The following ABTB2 variants were observed in gnomAD, a reference collection of about 807,000 sequenced individuals.
ABTB2 encodes ankyrin repeat and BTB domain containing 2, also known as ankyrin repeat and BTB/POZ domain-containing protein 2.
In ABTB2, 56 loss-of-function variants were observed where a neutral mutation model predicts 104.1. The observed-to-expected ratio is 0.54, with a 90% CI of 0.43 to 0.67. ABTB2 has a LOEUF of 0.67. Ranked by LOEUF, ABTB2 falls within the 30% of genes least tolerant of loss-of-function variation. The pLI is 0.00. For missense variants in ABTB2, 1,279 were observed against 1,407.7 expected, an observed-to-expected ratio of 0.91 and a Z score of 1.46; for synonymous variants, 606 against 608.2, an observed-to-expected ratio of 1.00 and a Z score of 0.05.
intron 1 of ABTB2, among the ~76,000 whole-genome samples, chr11:34,223,458 G>T (rs1484899721): frequency 6.6e-6 from 1 of 152,124 alleles, no homozygotes; most frequent in Non-Finnish European, 1.5e-5. Context: ...ATTCACATTT[G>T]CCCCGTAATC....
chr11:34,351,039 T>C (rs1564939217), intron 1 of ABTB2, among the ~76,000 whole-genome samples: 1 of 152,158 alleles, frequency 6.6e-6, no homozygotes, highest in South Asian at 2.1e-4. Context: ...AGAGTAGAAA[T>C]AGAGGCGAAG....
chr11:34,357,575 C>T lies in ABTB2; in HGVS notation c.9G>A (p.Gly3=). The change falls in exon 1 of 17, where the codon GGG becomes GGA. Residue 3 remains glycine (G), a synonymous_variant. Transcript: ENST00000435224. ...GCGTCTTCAGAGTCGAGCTGTACGT[C>T]CCGGCCATGGGGAGCCTGCCGAGGG... MA[G]TYSSTLKTLE... is the part of the protein sequence containing the mutation. 1 of 1,516,460 alleles carries T rather than the reference C, an allele frequency of 6.6e-7. No individual in the cohort carries two copies. Among genetic ancestry groups the T allele is most frequent in the Non-Finnish European group, 8.8e-7 (1 of 1,132,374 alleles). The allele number at this position is 1,516,460 out of a possible 1,614,324, so 93.9% of individuals were successfully genotyped here.
intron 1 of ABTB2, among the ~76,000 whole-genome samples, chr11:34,212,318 A>C (rs1417076732): frequency 6.6e-6 from 1 of 152,140 alleles, no homozygotes; most frequent in Non-Finnish European, 1.5e-5. Flanking sequence ...TGACCTCCCA[A>C]AGTGCTGGGA....
chr11:34,167,965 C>T lies in ABTB2; in HGVS notation c.1591G>A (p.Ala531Thr), dbSNP rs139973706. 295 of 1,614,220 alleles carry T rather than the reference C, an allele frequency of 1.8e-4. No individual in the cohort carries two copies. Among genetic ancestry groups the T allele is most frequent in the Middle Eastern group, 4.9e-4 (3 of 6,062 alleles). The change falls in exon 6 of 17, where the codon GCT becomes ACT. Residue 531 changes from alanine to threonine, a missense_variant. Transcript: ENST00000435224. ...QGMTPLMYAC[A>T]AGDEAMVQML... Reference sequence around the variant, plus strand: ...TGGACCATCGCTTCGTCCCCAGCAGCGCAGGCGTACATCAGTGGCGTCATA... The same window carrying T: ...TGGACCATCGCTTCGTCCCCAGCAGTGCAGGCGTACATCAGTGGCGTCATA...
chr11:34,157,513 C>G (rs1362399112), intron 14 of ABTB2, among the ~76,000 whole-genome samples: 1 of 152,214 alleles, frequency 6.6e-6, no homozygotes, highest in Non-Finnish European at 1.5e-5. Context: ...GCTCCCCAGT[C>G]TCCAGCGATC....
At chr11:34,167,151 G>T in intron 7 of ABTB2, 108 bp downstream of exon 7, 1 of 1,039,094 alleles carries the variant, frequency 9.6e-7, no homozygotes, top group Non-Finnish European at 1.4e-6. Context: ...GTGCCTTTGG[G>T]ATCTCTGATT....
At chr11:34,188,031 AC>A (rs1853124746) in intron 3 of ABTB2, among the ~76,000 whole-genome samples, 1 of 152,086 alleles carries the variant, frequency 6.6e-6, no homozygotes, top group African/African-American at 2.4e-5. Flanking sequence ...ATGCACAAAC[AC>A]CTTATTCTCT....
chr11:34,184,070 T>TG (rs1853062857), intron 3 of ABTB2, among the ~76,000 whole-genome samples: 1 of 151,772 alleles, frequency 6.6e-6, no homozygotes, highest in Admixed American at 6.6e-5. Flanking sequence ...AAAAGTGTTT[T>TG]TTTTTTTTTG....
chr11:34,174,432 G>C (rs1307021541), intron 3 of ABTB2, among the ~76,000 whole-genome samples: 3 of 152,084 alleles, frequency 2.0e-5, no homozygotes, highest in Non-Finnish European at 2.9e-5. Flanking sequence ...GCCCACAAAA[G>C]CAGGGAAAGG....
Position 34,174,989 on chromosome 11 carries a change from C to T in ABTB2, c.1245-1682G>A, listed in dbSNP as rs575906357. Among the ~76,000 whole-genome samples the T allele has an allele frequency of 5.2e-5, 8 of 152,382 alleles. No homozygotes were observed. In the South Asian group the frequency reaches 6.2e-4, roughly 12 times the overall value. The stretch of plus-strand genomic sequence containing the variant: ...AGGCCTCCAGCCACCCCAACTCCCT[C>T]GGGGCTCTTGGAGCGTCCCGCCTGT... On this transcript the variant is annotated intron_variant, in intron 3 of 16. Coordinates refer to ENST00000435224, the MANE Select transcript of ABTB2 (RefSeq NM_145804.3).
At chr11:34,237,067 A>G (rs1276287408) in intron 1 of ABTB2, among the ~76,000 whole-genome samples, 2 of 152,102 alleles carry the variant, frequency 1.3e-5, no homozygotes, top group African/African-American at 2.4e-5. Flanking sequence ...CAGAATATGT[A>G]CCTCTGGATC....
chr11:34,177,983 T>C (rs1852977428), intron 3 of ABTB2, among the ~76,000 whole-genome samples: 1 of 152,174 alleles, frequency 6.6e-6, no homozygotes, highest in Non-Finnish European at 1.5e-5. Flanking sequence ...GAGTTCGTCA[T>C]TCCTGGATGC....
Position 34,356,838 on chromosome 11 carries a change from C to T in ABTB2, c.746G>A (p.Ser249Asn). ...VEEIRARVMA[S>N]HSPDGGGAGG... ...GGCCCCTCCGCCATCAGGGCTGTGG[C>T]TGGCCATCACCCTGGCCCGGATCTC... Residue 249 changes from serine (S) to asparagine (N), a missense_variant, in exon 1 of 17, where the codon AGC becomes AAC. By Grantham distance (46) the Ser-to-Asn change is conservative (BLOSUM62 1). Coordinates refer to ENST00000435224, the MANE Select transcript of ABTB2 (RefSeq NM_145804.3). This position sits in a 1 kb window ranked among gnomAD's most constrained non-coding sequence, Gnocchi z 4.6. 1 of 1,605,440 alleles carries T rather than the reference C, an allele frequency of 6.2e-7. No individual in the cohort carries two copies. Among genetic ancestry groups the T allele is most frequent in the South Asian group, 1.1e-5 (1 of 89,610 alleles).
At position 34,356,351 on chromosome 11, in the gene ABTB2, T is replaced by C. The variant is rs568658765; in HGVS notation, c.883+350A>G. Among the ~76,000 whole-genome samples, 5 of 152,316 alleles carry C rather than the reference T, an allele frequency of 3.3e-5. No individual in the cohort carries two copies. The highest frequency in any genetic ancestry group is 2.0e-4 in the Admixed American group (3 of 15,298). ...TGGGGAAAGACAGCAGCTAGAGACC[T>C]AGTCAATCACGGTAAAGAGCCACGG... On this transcript the variant is annotated intron_variant, in intron 1 of 16. Transcript: ENST00000435224. This position sits in a 1 kb window ranked among gnomAD's most constrained non-coding sequence, Gnocchi z 4.6.
intron 1 of ABTB2, among the ~76,000 whole-genome samples, chr11:34,313,690 C>T (rs571603803): frequency 3.3e-5 from 5 of 152,306 alleles, no homozygotes; most frequent in Admixed American, 2.0e-4. Flanking sequence ...ACTGGGAGGG[C>T]GCACCTGCCT....
chr11:34,309,280 C>T (rs1215405015), intron 1 of ABTB2, among the ~76,000 whole-genome samples: 1 of 152,178 alleles, frequency 6.6e-6, no homozygotes, highest in African/African-American at 2.4e-5. Context: ...TTTTGGGGAC[C>T]TTGTTGAAGG....
chr11:34,297,766 CAA>C (rs1171577510), intron 1 of ABTB2, among the ~76,000 whole-genome samples: 2 of 16,066 alleles, frequency 1.2e-4, no homozygotes, highest in Non-Finnish European at 2.0e-4. Context: ...AACTCCATCT[CAA>C]AAAAAAAAAA....
At chr11:34,272,204 G>A (rs1364708650) in intron 1 of ABTB2, among the ~76,000 whole-genome samples, 1 of 150,464 alleles carries the variant, frequency 6.6e-6, no homozygotes, top group South Asian at 2.1e-4. Flanking sequence ...GTTTATCACA[G>A]TGCTTGGCAT....
intron 3 of ABTB2, among the ~76,000 whole-genome samples, chr11:34,191,284 C>T (rs914769440): frequency 2.0e-5 from 3 of 152,130 alleles, no homozygotes; most frequent in South Asian, 2.1e-4. Flanking sequence ...GAAAAAAAGC[C>T]CCAGGTGTGC....
Sources: gnomAD v4.1 joint callset for allele counts (sites outside exome capture counted in the v4.1 genomes callset) on GRCh38, gnomAD v4.1.1 for gene constraint, Gnocchi (gnomAD v3.1) non-coding constraint, MANE v1.5 for transcripts, NCBI Gene and HGNC (gene_info 2026-07-23, HGNC 2026-07-21) for gene names.